The following GCNT4 variants were observed in gnomAD, a reference collection of about 807,000 sequenced individuals.
GCNT4 encodes glucosaminyl (N-acetyl) transferase 4.
Under a neutral mutation model 31.3 loss-of-function variants are expected in GCNT4, and 17 were observed. That is an observed-to-expected ratio of 0.54 (90% CI 0.37 to 0.81). The LOEUF is 0.81. GCNT4 is among the 40% of genes least tolerant of loss of function. The pLI, the probability that GCNT4 is intolerant of heterozygous loss-of-function variation, is 0.00. For missense variants in GCNT4, 503 were observed against 525.5 expected (o/e 0.96, Z 0.42); for synonymous variants, 158 against 190.6 (o/e 0.83, Z 1.41).
intron 3 of GCNT4, among the ~76,000 whole-genome samples, chr5:75,045,084 T>C (rs972413198): frequency 3.3e-5 from 5 of 152,254 alleles, no homozygotes; most frequent in Non-Finnish European, 7.3e-5. Context: ...TTGTTTCTTA[T>C]TTATGAATTA....
chr5:75,027,320 AATAT>A lies in GCNT4; in HGVS notation c.*1352_*1355del, dbSNP rs1210974806. 1 of 66,488 alleles carries A rather than the reference AATAT, an allele frequency of 1.5e-5. No homozygotes were observed. The highest frequency in any genetic ancestry group is 2.5e-5 in the Non-Finnish European group (1 of 39,444). 4.1% of individuals were successfully genotyped at this position (66,488 alleles called of 1,614,324 possible). A position where few individuals can be genotyped will look rare whatever the true frequency, so the allele number is the denominator to read the frequency against. On this transcript the variant is annotated 3_prime_UTR_variant, in exon 4 of 4. Transcript: ENST00000652361. Reference sequence around the variant, plus strand: ...TATATATATAATTATATGTATATATAATATATATTCATATACAATATATGTATAT... The same window carrying A: ...TATATATATAATTATATGTATATATAATATTCATATACAATATATGTATAT...
At chr5:75,048,479 T>C (rs1743495318) in intron 2 of GCNT4, among the ~76,000 whole-genome samples, 1 of 152,220 alleles carries the variant, frequency 6.6e-6, no homozygotes, top group African/African-American at 2.4e-5. Context: ...TTCAGTGTTT[T>C]GGCTGACCAT....
chr5:75,042,325 T>C (rs1295815162), intron 3 of GCNT4, among the ~76,000 whole-genome samples: 4 of 152,252 alleles, frequency 2.6e-5, no homozygotes, highest in African/African-American at 7.2e-5. Context: ...TGTGTATCTA[T>C]TGCACTAGAA....
chr5:75,039,033 A>C (rs1391795271), intron 3 of GCNT4, among the ~76,000 whole-genome samples: 2 of 151,976 alleles, frequency 1.3e-5, no homozygotes, highest in African/African-American at 2.4e-5. Context: ...CTAATGATCG[A>C]TGCTAAGAGA....
intron 3 of GCNT4, among the ~76,000 whole-genome samples, chr5:75,039,004 G>A (rs1420696545): frequency 1.3e-5 from 2 of 152,084 alleles, no homozygotes; most frequent in Admixed American, 6.5e-5. Flanking sequence ...CAGAGTCAGC[G>A]ACACATACCT....
intron 3 of GCNT4, among the ~76,000 whole-genome samples, chr5:75,036,009 C>G (rs546878871): frequency 5.3e-5 from 8 of 152,192 alleles, no homozygotes; most frequent in Non-Finnish European, 7.3e-5. Flanking sequence ...GCAGAGGATT[C>G]ATTCCAGGGC....
At chr5:75,044,812 C>G (rs192991798) in intron 3 of GCNT4, among the ~76,000 whole-genome samples, 3 of 151,976 alleles carry the variant, frequency 2.0e-5, no homozygotes, top group Non-Finnish European at 4.4e-5. Flanking sequence ...CCCACTTGTA[C>G]TATTTTTACA....
intron 3 of GCNT4, among the ~76,000 whole-genome samples, chr5:75,038,059 T>C (rs950009435): frequency 6.6e-6 from 1 of 152,006 alleles, no homozygotes; most frequent in African/African-American, 2.4e-5. Context: ...AGACTGGTTT[T>C]AAGAAACACA....
At chr5:75,031,452 C>T (rs960971919) in intron 3 of GCNT4, among the ~76,000 whole-genome samples, 2 of 152,176 alleles carry the variant, frequency 1.3e-5, no homozygotes, top group African/African-American at 2.4e-5. Context: ...TACTCAATTC[C>T]GCCCGTTATG....
chr5:75,028,398 A>G lies in GCNT4; in HGVS notation c.*278T>C. 1 of 386,248 alleles carries G rather than the reference A, an allele frequency of 2.6e-6. No individual in the cohort carries two copies. Among genetic ancestry groups the G allele is most frequent in the Non-Finnish European group, 4.6e-6 (1 of 217,564 alleles). 23.9% of individuals were successfully genotyped at this position (386,248 alleles called of 1,614,324 possible). A position where few individuals can be genotyped will look rare whatever the true frequency, so the allele number is the denominator to read the frequency against. On this transcript the variant is annotated 3_prime_UTR_variant, in exon 4 of 4. Coordinates refer to ENST00000652361, the MANE Select transcript of GCNT4 (RefSeq NM_001366737.1). ...CAGTCTCTAAAAAAGTGCCTGTCAT[A>G]TAGTTAGGTGCTCAATAATGTTTGA...
In GCNT4 at chr5:75,026,969, C is replaced by A. The variant is rs1742959044; in HGVS notation, c.*1707G>T. 1.3e-5 allele frequency: 2 copies of A among 151,998 alleles called. No homozygotes were observed. Among genetic ancestry groups the A allele is most frequent in the African/African-American group, 4.8e-5 (2 of 41,390 alleles). 9.4% of individuals were successfully genotyped at this position (151,998 alleles called of 1,614,324 possible). A position where few individuals can be genotyped will look rare whatever the true frequency, so the allele number is the denominator to read the frequency against. On this transcript the variant is annotated 3_prime_UTR_variant, in exon 4 of 4. Coordinates refer to ENST00000652361, the MANE Select transcript of GCNT4 (RefSeq NM_001366737.1). The stretch of plus-strand genomic sequence containing the variant: ...GTCAGTTGGCAGTTAGTATTATGAA[C>A]TTTAAAATGAGCAAAGTGCATTTCA...
rs894998312 is a variant in GCNT4 at position 75,026,248 on chromosome 5, A to G, written c.*2428T>C. On this transcript the variant is annotated 3_prime_UTR_variant, in exon 4 of 4. Transcript: ENST00000652361. ...AGGCAAGACAGTGGATCAGGAGGTT[A>G]TTTGTTTTTCAGCATTTACGTTTAT... 2 of 152,108 alleles carry G rather than the reference A, an allele frequency of 1.3e-5. No homozygotes were observed. The highest frequency in any genetic ancestry group is 2.9e-5 in the Non-Finnish European group (2 of 68,024). The allele number at this position is 152,108 out of a possible 1,614,324, so 9.4% of individuals were successfully genotyped here. A position where few individuals can be genotyped will look rare whatever the true frequency, so the allele number is the denominator to read the frequency against.
intron 3 of GCNT4, among the ~76,000 whole-genome samples, chr5:75,040,633 TG>T (rs1743296764): frequency 6.6e-6 from 1 of 152,232 alleles, no homozygotes; most frequent in Non-Finnish European, 1.5e-5. Flanking sequence ...ATGTAATGTA[TG>T]TGAAAGTCAT....
At chr5:75,016,977 GA>G in the GCNT4 span, among the ~76,000 whole-genome samples, 1 of 152,180 alleles carries the variant, frequency 6.6e-6, no homozygotes, top group Non-Finnish European at 1.5e-5. Flanking sequence ...CTATTATTAT[GA>G]AAGAAGGAGA....
At chr5:75,032,950 T>C (rs919450292) in intron 3 of GCNT4, among the ~76,000 whole-genome samples, 12 of 151,232 alleles carry the variant, frequency 7.9e-5, no homozygotes, top group Non-Finnish European at 1.5e-4. Context: ...TAGGTATAAA[T>C]AGTATGTAGC....
downstream of GCNT4, among the ~76,000 whole-genome samples, chr5:75,022,145 C>T (rs1321275373): frequency 6.6e-6 from 1 of 152,068 alleles, no homozygotes; most frequent in Non-Finnish European, 1.5e-5. Flanking sequence ...GAGATTTCAC[C>T]CCCATGATTT....
intron 3 of GCNT4, among the ~76,000 whole-genome samples, chr5:75,043,154 T>C (rs1348005078): frequency 1.3e-5 from 2 of 152,246 alleles, no homozygotes; most frequent in African/African-American, 4.8e-5. Context: ...AAAAAGATTG[T>C]TTAGTTTACT....
intron 3 of GCNT4, among the ~76,000 whole-genome samples, chr5:75,038,025 A>T (rs1350030011): frequency 6.6e-6 from 1 of 150,904 alleles, no homozygotes. Flanking sequence ...TGGCAATAAC[A>T]TCTTGTAGAC....
rs925081040 is a variant in GCNT4 at position 75,028,090 on chromosome 5, C to T, written c.*586G>A. Reference sequence around the variant, plus strand: ...AACCCTGAATTGACCAAGTAATGCACCAAAAGGCAGATTATGCTTTGGCAA... The same window carrying T: ...AACCCTGAATTGACCAAGTAATGCATCAAAAGGCAGATTATGCTTTGGCAA... On this transcript the variant is annotated 3_prime_UTR_variant, in exon 4 of 4. Transcript: ENST00000652361. The T allele has an allele frequency of 2.0e-5, 3 of 152,750 alleles. No individual in the cohort carries two copies. Among genetic ancestry groups the T allele is most frequent in the Admixed American group, 6.5e-5 (1 of 15,276 alleles). 9.5% of individuals were successfully genotyped at this position (152,750 alleles called of 1,614,324 possible). A position where few individuals can be genotyped will look rare whatever the true frequency, so the allele number is the denominator to read the frequency against.
Sources: gnomAD v4.1 joint callset for allele counts (sites outside exome capture counted in the v4.1 genomes callset) on GRCh38, gnomAD v4.1.1 for gene constraint, MANE v1.5 for transcripts, NCBI Gene and HGNC (gene_info 2026-07-23, HGNC 2026-07-21) for gene names.